ARID4B: variants seen among roughly 807,000 people sequenced by gnomAD.
ARID4B encodes the protein AT-rich interactive domain-containing protein 4B.
A neutral mutation model predicts 147.5 loss-of-function variants in ARID4B; 26 were observed. The observed-to-expected ratio is 0.18, with a 90% CI of 0.13 to 0.24. The LOEUF is 0.24. Ranked by LOEUF, ARID4B falls within the 10% of genes least tolerant of loss-of-function variation. The pLI, the probability that ARID4B is intolerant of heterozygous loss-of-function variation, is 1.00. For synonymous variants in ARID4B, 512 were observed against 507.9 expected (o/e 1.01, Z -0.11); for missense variants, 1,179 against 1,511.5 (o/e 0.78, Z 3.65).
At chr1:235,319,381 G>A (rs952512945) in intron 2 of ARID4B, among the ~76,000 whole-genome samples, 4 of 152,070 alleles carry the variant, frequency 2.6e-5, no homozygotes, top group South Asian at 2.1e-4. Flanking sequence ...GCATGGTGCC[G>A]TGCACCTCTG....
intron 17 of ARID4B, among the ~76,000 whole-genome samples, chr1:235,212,973 G>A (rs1042696446): frequency 4.6e-5 from 7 of 152,010 alleles, no homozygotes; most frequent in African/African-American, 1.5e-4. Context: ...TGTCTTATAG[G>A]CTACATTTCA....
In ARID4B at chr1:235,255,694, G is replaced by C. The variant is rs1669939539; in HGVS notation, c.240C>G (p.Ile80Met). 6.2e-7 allele frequency: 1 copy of C among 1,611,636 alleles called. No homozygotes were observed. The part of the protein sequence containing the change: ...NLDGAYQEAV[I>M]NKLTDASWYT... ...ACCAACTCGCATCTGTTAGTTTATTGATAACAGCTTCCTGATATGCACCAT... is the reference window on the plus strand; with the variant it reads ...ACCAACTCGCATCTGTTAGTTTATTCATAACAGCTTCCTGATATGCACCAT... The change falls in exon 5 of 24, where the codon ATC (isoleucine) becomes ATG (methionine). Residue 80 changes from isoleucine (I) to methionine (M), a missense_variant. This residue lies in a region of ARID4B where 56 missense variants were observed against 99.2 expected (regional missense o/e 0.56). Coordinates refer to ENST00000264183, the MANE Select transcript of ARID4B (RefSeq NM_016374.6).
Position 235,195,508 on chromosome 1 carries a change from G to A in ARID4B, c.1926+523C>T, listed in dbSNP as rs772305524. On this transcript the variant is annotated intron_variant, in intron 18 of 23. Coordinates refer to ENST00000264183, the MANE Select transcript of ARID4B (RefSeq NM_016374.6). ...CTCGGGAGGCTGAGGCATGAGAATC[G>A]CTTGAACTGGGAGGTGGAGGTTGCA... Among the ~76,000 whole-genome samples the A allele has an allele frequency of 1.3e-3, 195 of 151,792 alleles. 1 individual carries two copies. Among genetic ancestry groups the A allele is most frequent in the African/African-American group, 4.6e-3 (191 of 41,382 alleles).
chr1:235,310,880 A>G (rs1017477552), intron 2 of ARID4B, among the ~76,000 whole-genome samples: 17 of 152,088 alleles, frequency 1.1e-4, no homozygotes, highest in African/African-American at 3.1e-4. Context: ...CACATTGTCC[A>G]TGCTGGTCTC....
intron 9 of ARID4B, among the ~76,000 whole-genome samples, chr1:235,232,496 C>T (rs554440647): frequency 6.6e-6 from 1 of 151,394 alleles, no homozygotes; most frequent in East Asian, 2.0e-4. Flanking sequence ...AATCCCAACA[C>T]TTTGGGGGCC....
chr1:235,189,843 C>A (rs182203749), intron 19 of ARID4B, among the ~76,000 whole-genome samples: 14 of 151,954 alleles, frequency 9.2e-5, no homozygotes, highest in Non-Finnish European at 1.6e-4. Flanking sequence ...AAGTTTGAGA[C>A]CAGCCTGGGC....
At chr1:235,246,576 C>A in intron 6 of ARID4B, 65 bp from the exon 7 acceptor site, 1 of 1,139,044 alleles carries the variant, frequency 8.8e-7, no homozygotes, top group Non-Finnish European at 1.3e-6. Context: ...TTGTTTTAAA[C>A]CAAATCAATT....
intron 18 of ARID4B, among the ~76,000 whole-genome samples, chr1:235,194,615 G>A (rs532457207): frequency 5.9e-5 from 9 of 152,206 alleles, no homozygotes; most frequent in African/African-American, 2.2e-4. Context: ...GAGGTCAGGA[G>A]GTCAAGACCA....
At chr1:235,308,231 T>C (rs1232217744) in intron 2 of ARID4B, among the ~76,000 whole-genome samples, 1 of 151,134 alleles carries the variant, frequency 6.6e-6, no homozygotes, top group Non-Finnish European at 1.5e-5. Flanking sequence ...CCTGAGTAGC[T>C]GGGACCAGAA....
intron 2 of ARID4B, among the ~76,000 whole-genome samples, chr1:235,309,598 G>T (rs1673895670): frequency 6.6e-6 from 1 of 150,500 alleles, no homozygotes. Context: ...GGGAGGTGAG[G>T]GGCGCCTCTG....
intron 17 of ARID4B, among the ~76,000 whole-genome samples, chr1:235,200,177 G>C (rs1357488026): frequency 6.6e-6 from 1 of 152,062 alleles, no homozygotes; most frequent in Non-Finnish European, 1.5e-5. Flanking sequence ...AAATTAGGCC[G>C]GGCGCAGTGG....
intron 2 of ARID4B, among the ~76,000 whole-genome samples, chr1:235,269,594 T>C (rs1270315475): frequency 6.6e-6 from 1 of 152,152 alleles, no homozygotes. Flanking sequence ...GTAATGATAA[T>C]GAGTACATAC....
In ARID4B at chr1:235,168,523, T is replaced by A; in HGVS notation, c.*2A>T. 6.2e-7 allele frequency: 1 copy of A among 1,613,974 alleles called. No individual in the cohort carries two copies. The highest frequency in any genetic ancestry group is 8.5e-7 in the Non-Finnish European group (1 of 1,179,864). ...TGCAAAGTGCTTTAGCAAGTCCTGC[T>A]GTCACCTGCACTCAACTGACATTCC... On this transcript the variant is annotated 3_prime_UTR_variant, in exon 24 of 24. Coordinates refer to ENST00000264183, the MANE Select transcript of ARID4B (RefSeq NM_016374.6).
intron 9 of ARID4B, 28 bp downstream of exon 9, chr1:235,234,384 GT>G: frequency 6.8e-7 from 1 of 1,461,918 alleles, no homozygotes; most frequent in Non-Finnish European, 9.5e-7. Context: ...TTATAAACTG[GT>G]TTTTCAAACC....
In ARID4B at chr1:235,194,118, G is replaced by C. The variant is rs776582963; in HGVS notation, c.2020C>G (p.Pro674Ala). 1.9e-6 allele frequency: 3 copies of C among 1,612,572 alleles called. No homozygotes were observed. Among genetic ancestry groups the C allele is most frequent in the Non-Finnish European group, 2.5e-6 (3 of 1,178,628 alleles). The stretch of plus-strand genomic sequence containing the variant: ...AGTTTGGATACCATTTCAGGAGATG[G>C]ATTTGTCTGAAATGGTGGTTTGGAC... ...RLSKPPFQTNPSPEMVSKLDL... is the reference protein window; with the variant it reads ...RLSKPPFQTNASPEMVSKLDL... Residue 674 changes from proline to alanine, a missense_variant, in exon 19 of 24, where the codon CCA becomes GCA. Pro to Ala is a conservative substitution (Grantham distance 27, BLOSUM62 -1). This residue lies in a region of ARID4B where 321 missense variants were observed against 342.4 expected (regional missense o/e 0.94). Transcript: ENST00000264183.
At chr1:235,210,217 CCTGT>C (rs1252511336) in intron 17 of ARID4B, among the ~76,000 whole-genome samples, 5 of 151,938 alleles carry the variant, frequency 3.3e-5, no homozygotes, top group Non-Finnish European at 5.9e-5. Context: ...AGAACAAGGT[CCTGT>C]CTGTCTCTCT....
chr1:235,191,351 C>T (rs980660045), intron 19 of ARID4B, among the ~76,000 whole-genome samples: 2 of 151,736 alleles, frequency 1.3e-5, no homozygotes, highest in African/African-American at 2.4e-5. Flanking sequence ...TGGGTTCAAG[C>T]GATTCTCCTG....
rs745611292 is a variant in ARID4B at position 235,220,346 on chromosome 1, T to A, written c.1363A>T (p.Ile455Phe). The stretch of plus-strand genomic sequence containing the variant: ...TCTTTTCTTTCAATTTCATCCTCAA[T>A]AGGCTTTTCTTCTCTTGGTATTATA... ...RNIIPREEKPIEDEIERKENI... is the reference protein window; with the variant it reads ...RNIIPREEKPFEDEIERKENI... Residue 455 changes from isoleucine to phenylalanine, a missense_variant, in exon 15 of 24, where the codon ATT (isoleucine) becomes TTT (phenylalanine). Transcript: ENST00000264183. 2.5e-6 allele frequency: 4 copies of A among 1,609,018 alleles called. No homozygotes were observed. In the African/African-American group the frequency reaches 5.4e-5, roughly 22 times the overall value.
At chr1:235,274,502 G>C (rs1003279207) in intron 2 of ARID4B, among the ~76,000 whole-genome samples, 2 of 152,046 alleles carry the variant, frequency 1.3e-5, no homozygotes, top group African/African-American at 4.8e-5. Context: ...AATCTTTTTA[G>C]CTCTCTGTAT....
Sources: gnomAD v4.1 joint callset for allele counts (sites outside exome capture counted in the v4.1 genomes callset) on GRCh38, gnomAD v4.1.1 for gene constraint, gnomAD v4.1.1 regional missense constraint, MANE v1.5 for transcripts, NCBI Gene and HGNC (gene_info 2026-07-23, HGNC 2026-07-21) for gene names.